The following PLS3 variants were observed in gnomAD, a reference collection of about 807,000 sequenced individuals.
The protein encoded by PLS3 is plastin-3.
In PLS3, 11 loss-of-function variants were observed where a neutral mutation model predicts 46.5. The observed-to-expected ratio is 0.24, with a 90% CI of 0.15 to 0.39. The LOEUF is 0.39. PLS3 is among the 10% of genes least tolerant of loss of function. PLS3 has a pLI of 1.00. For synonymous variants in PLS3, 167 were observed against 162.2 expected (o/e 1.03, Z -0.22); for missense variants, 308 against 461.8 (o/e 0.67, Z 3.05).
At chrX:115,567,647 G>T (rs781940337) in intron 1 of PLS3, among the ~76,000 whole-genome samples, 138 of 106,391 alleles carry the variant, frequency 1.3e-3, no homozygotes, top group African/African-American at 4.3e-3. Flanking sequence ...AATGTGGGAA[G>T]TTAAGTTGAA....
intron 5 of PLS3, among the ~76,000 whole-genome samples, chrX:115,633,027 T>C (rs782390225): frequency 2.7e-5 from 3 of 110,710 alleles, no homozygotes; most frequent in Admixed American, 1.9e-4. Flanking sequence ...TGAGCCACAC[T>C]GTACCTGGCC....
At chrX:115,613,271 T>A (rs191983147) in intron 2 of PLS3, among the ~76,000 whole-genome samples, 1 of 111,509 alleles carries the variant, frequency 9.0e-6, no homozygotes, top group Non-Finnish European at 1.9e-5. Flanking sequence ...AGTATGGGTG[T>A]ATTCCTTTGA....
At chrX:115,585,457 C>A (rs1603223181) in intron 1 of PLS3, among the ~76,000 whole-genome samples, 1 of 111,033 alleles carries the variant, frequency 9.0e-6, no homozygotes, top group Non-Finnish European at 1.9e-5. Flanking sequence ...GTGGTGCAAT[C>A]TCAGCTCACT....
At chrX:115,617,047 T>C (rs2074604582) in intron 2 of PLS3, among the ~76,000 whole-genome samples, 1 of 111,680 alleles carries the variant, frequency 9.0e-6, no homozygotes, top group South Asian at 3.8e-4. Context: ...TTACAAGGAT[T>C]TTGTAGCCAC....
At chrX:115,575,129 C>A (rs2074240088) in intron 1 of PLS3, among the ~76,000 whole-genome samples, 1 of 111,899 alleles carries the variant, frequency 8.9e-6, no homozygotes, top group South Asian at 3.7e-4. Flanking sequence ...TAGTTTCTTT[C>A]ACTTAGCCTA....
chrX:115,573,815 C>T (rs1397127733), intron 1 of PLS3, among the ~76,000 whole-genome samples: 2 of 110,724 alleles, frequency 1.8e-5, no homozygotes, highest in Non-Finnish European at 3.8e-5. Flanking sequence ...GCAATTCTCC[C>T]GCCTCAGCCT....
intron 1 of PLS3, among the ~76,000 whole-genome samples, chrX:115,569,928 G>A (rs886310981): frequency 5.4e-5 from 6 of 111,249 alleles, no homozygotes; most frequent in African/African-American, 2.0e-4. Context: ...AATAGCTCTC[G>A]CATTTTATTA....
intron 1 of PLS3, among the ~76,000 whole-genome samples, chrX:115,588,424 GTGATTTGCAA>G (rs1409893726): frequency 6.2e-5 from 7 of 112,154 alleles, no homozygotes; most frequent in African/African-American, 2.3e-4. Context: ...AAACATTAAA[GTGATTTGCAA>G]CAATGTAAAC....
At chrX:115,599,225 G>A (rs2074416765) in intron 1 of PLS3, among the ~76,000 whole-genome samples, 1 of 107,170 alleles carries the variant, frequency 9.3e-6, no homozygotes, top group Admixed American at 1.0e-4. Context: ...AATTGGCTGG[G>A]CACTGCAGCT....
chrX:115,574,480 G>A (rs782560762), intron 1 of PLS3, among the ~76,000 whole-genome samples: 11 of 112,266 alleles, frequency 9.8e-5, no homozygotes, highest in Non-Finnish European at 2.1e-4. Flanking sequence ...GTTATCGATA[G>A]TGTTTTCATT....
rs144399443 is a variant in PLS3 at position 115,628,946 on chromosome X, T to C, written c.238-252T>C. Among the ~76,000 whole-genome samples, 97 of 111,893 alleles carry C rather than the reference T, an allele frequency of 8.7e-4. No homozygotes were observed. The East Asian group carries it at 0.021, about 25-fold the overall frequency. ...CTTTGAACCACATTAGTTTTTGGCT[T>C]AAAGTGAGTTCAATGCATGTAGCGC... On this transcript the variant is annotated intron_variant, in intron 3 of 15. Coordinates refer to ENST00000355899, the MANE Select transcript of PLS3 (RefSeq NM_005032.7).
At position 115,636,811 on chromosome X, in the gene PLS3, T is replaced by C. The variant is rs145269469; in HGVS notation, c.749-25T>C. The C allele has an allele frequency of 0.03, 34,570 of 1,165,880 alleles. 486 individuals are homozygous for C. Among genetic ancestry groups the C allele is most frequent in the Non-Finnish European group, 0.036 (31,274 of 870,837 alleles). ...CCATTATTGTGTCATATAATAACTG[T>C]GGGATTTTTTTTTTTTTCTTCTAGC... On this transcript the variant is annotated intron_variant, in intron 7 of 15. Coordinates refer to ENST00000355899, the MANE Select transcript of PLS3 (RefSeq NM_005032.7).
intron 10 of PLS3, among the ~76,000 whole-genome samples, chrX:115,644,619 T>TAAAC (rs2074932800): frequency 9.2e-6 from 1 of 108,872 alleles, no homozygotes; most frequent in Non-Finnish European, 1.9e-5. Flanking sequence ...AATAAATAAA[T>TAAAC]AAATAAATAA....
At chrX:115,597,482 CTTGGAG>C (rs1354262398) in intron 1 of PLS3, among the ~76,000 whole-genome samples, 1 of 111,747 alleles carries the variant, frequency 8.9e-6, no homozygotes, top group East Asian at 2.8e-4. Context: ...TAGGCAGCTA[CTTGGAG>C]TTGGATAAAG....
rs1165802645 is a variant in PLS3, at chrX:115,584,053, A to AT, written c.-9+22794dup. Among the ~76,000 whole-genome samples the AT allele has an allele frequency of 4.5e-5, 5 of 112,046 alleles. No individual in the cohort carries two copies. The East Asian group carries it at 1.4e-3, about 31-fold the overall frequency. On this transcript the variant is annotated intron_variant, in intron 1 of 15. Transcript: ENST00000355899. ...GGTGCTATTAGAAGATGTAACCACC[A>AT]TGTGTTTGGCCAGATTAGCTTTCAG...
intron 2 of PLS3, among the ~76,000 whole-genome samples, chrX:115,612,585 C>T (rs782327920): frequency 4.5e-5 from 5 of 110,951 alleles, no homozygotes; most frequent in Middle Eastern, 4.7e-3. Context: ...AGTTCAATTG[C>T]GACAAAATAT....
intron 1 of PLS3, among the ~76,000 whole-genome samples, chrX:115,588,785 T>C (rs1216441196): frequency 1.8e-5 from 2 of 111,274 alleles, no homozygotes; most frequent in African/African-American, 3.3e-5. Flanking sequence ...ACCCTCAGGA[T>C]AGAAAATTGT....
intron 15 of PLS3, among the ~76,000 whole-genome samples, chrX:115,648,597 G>A (rs2074974681): frequency 9.0e-6 from 1 of 110,726 alleles, no homozygotes. Context: ...GGCTTCATGG[G>A]TGACCCATGA....
At chrX:115,646,850 T>C (rs782209465) in intron 13 of PLS3, among the ~76,000 whole-genome samples, 13 of 112,166 alleles carry the variant, frequency 1.2e-4, no homozygotes, top group African/African-American at 2.3e-4. Flanking sequence ...TCATGCTCAT[T>C]TGAAAATAAA....
Sources: gnomAD v4.1 joint callset for allele counts (sites outside exome capture counted in the v4.1 genomes callset) on GRCh38, gnomAD v4.1.1 for gene constraint, MANE v1.5 for transcripts, NCBI Gene and HGNC (gene_info 2026-07-23, HGNC 2026-07-21) for gene names.